GLB1: variants seen among roughly 807,000 people sequenced by gnomAD.
The protein encoded by GLB1 is galactosidase beta 1.
GLB1 carries 56 observed loss-of-function variants against 74.0 expected under a neutral mutation model. That is an observed-to-expected ratio of 0.76 (90% CI 0.61 to 0.94). GLB1 has a LOEUF of 0.94. Among genes scored for constraint, GLB1 ranks in the 40% least tolerant of loss-of-function variants. The probability of loss-of-function intolerance (pLI) is 0.00; values close to 1 mark genes in which losing one functional copy is unlikely to be tolerated. For missense variants in GLB1, 787 were observed against 845.5 expected, an observed-to-expected ratio of 0.93 and a Z score of 0.86; for synonymous variants, 323 against 323.6, an observed-to-expected ratio of 1.00 and a Z score of 0.02.
At chr3:33,060,759 A>G (rs1699409128) in intron 5 of GLB1, among the ~76,000 whole-genome samples, 2 of 152,358 alleles carry the variant, frequency 1.3e-5, no homozygotes. Flanking sequence ...AGTTCTAGTC[A>G]CAGGCACGGC....
intron 1 of GLB1, among the ~76,000 whole-genome samples, chr3:33,087,901 TTA>T (rs1431427498): frequency 2.0e-5 from 3 of 151,938 alleles, no homozygotes; most frequent in Non-Finnish European, 1.5e-5. Flanking sequence ...ATTAAAAGGG[TTA>T]TATACTATGA....
At chr3:33,027,245 G>A (rs995619343) in intron 10 of GLB1, among the ~76,000 whole-genome samples, 2 of 152,246 alleles carry the variant, frequency 1.3e-5, no homozygotes, top group Admixed American at 6.5e-5. Flanking sequence ...GAGGGCTGGC[G>A]CCTGTGCGGG....
intron 10 of GLB1, chr3:33,029,974 A>G (rs1697939908): frequency 6.6e-6 from 1 of 152,028 alleles, no homozygotes; most frequent in African/African-American, 2.4e-5. Flanking sequence ...AAAAAAAAGA[A>G]AAGTAATGTT....
At chr3:33,072,000 T>C (rs983280725) in intron 2 of GLB1, among the ~76,000 whole-genome samples, 3 of 152,256 alleles carry the variant, frequency 2.0e-5, no homozygotes, top group Admixed American at 2.0e-4. Flanking sequence ...AAGTTTTCCT[T>C]GGGTCTTCTT....
At chr3:32,966,705 G>C in the GLB1 span, among the ~76,000 whole-genome samples, 1 of 152,204 alleles carries the variant, frequency 6.6e-6, no homozygotes. Flanking sequence ...ATCTTGAATT[G>C]TAGCTCCCAT....
intron 12 of GLB1, 52 bp downstream of exon 12, chr3:33,021,514 A>C: frequency 1.3e-6 from 2 of 1,585,890 alleles, no homozygotes; most frequent in Non-Finnish European, 1.7e-6. Context: ...CAGTGCAGAA[A>C]GCACACTTTT....
intron 9 of GLB1, among the ~76,000 whole-genome samples, chr3:33,050,609 T>C (rs544308817): frequency 6.6e-6 from 1 of 152,332 alleles, no homozygotes; most frequent in Admixed American, 6.5e-5. Flanking sequence ...AAGTATATTA[T>C]TTCCAGGGGC....
chr3:33,049,583 A>AT (rs1303154866), intron 9 of GLB1, among the ~76,000 whole-genome samples: 1 of 151,970 alleles, frequency 6.6e-6, no homozygotes, highest in African/African-American at 2.4e-5. Flanking sequence ...CAACCAGCTA[A>AT]TTTTTTGTAT....
At chr3:32,985,874 C>T in the GLB1 span, among the ~76,000 whole-genome samples, 1 of 151,974 alleles carries the variant, frequency 6.6e-6, no homozygotes, top group Non-Finnish European at 1.5e-5. Context: ...CCATGTCTGG[C>T]TAATTTTTAT....
chr3:33,007,888 C>A (rs1318073835), intron 15 of GLB1, among the ~76,000 whole-genome samples: 1 of 152,178 alleles, frequency 6.6e-6, no homozygotes, highest in Non-Finnish European at 1.5e-5. Flanking sequence ...TTCACATGGG[C>A]CTTCAAGACA....
rs1359058638 is a variant in GLB1, at chr3:33,034,348, T to C, written c.1069-10023A>G. The C allele has an allele frequency of 1.2e-5, 9 of 757,168 alleles. No individual in the cohort carries two copies. In the Admixed American group the frequency reaches 1.4e-4, roughly 12 times the overall value. 46.9% of individuals were successfully genotyped at this position (757,168 alleles called of 1,614,324 possible). Reference sequence around the variant, plus strand: ...ATGCCATCAGCTAGGCCCCTGCTGTTGTACCTGGAAGCCTCATAGACCAGC... The same window carrying C: ...ATGCCATCAGCTAGGCCCCTGCTGTCGTACCTGGAAGCCTCATAGACCAGC... On this transcript the variant is annotated intron_variant, in intron 10 of 15. Coordinates refer to ENST00000307363, the MANE Select transcript of GLB1 (RefSeq NM_000404.4).
intron 1 of GLB1, among the ~76,000 whole-genome samples, chr3:33,087,547 G>T (rs1700557043): frequency 6.6e-6 from 1 of 150,800 alleles, no homozygotes; most frequent in Admixed American, 6.6e-5. Flanking sequence ...TCCAGCCCCG[G>T]CGACAGAGCA....
At chr3:33,046,271 T>C in intron 9 of GLB1, 39 bp from the exon 10 acceptor site, 1 of 1,609,478 alleles carries the variant, frequency 6.2e-7, no homozygotes, top group South Asian at 1.1e-5. Flanking sequence ...TTACTGATGG[T>C]GCAGCTCTGG....
At chr3:33,086,375 G>T (rs9810375) in intron 1 of GLB1, among the ~76,000 whole-genome samples, 110,892 of 151,956 alleles carry the variant, frequency 0.73, 40,798 homozygotes, top group East Asian at 0.98. Flanking sequence ...AATGAGGAGA[G>T]TTCTTTGTAA....
chr3:32,977,532 G>C, the GLB1 span, among the ~76,000 whole-genome samples: 1 of 152,078 alleles, frequency 6.6e-6, no homozygotes, highest in African/African-American at 2.4e-5. Context: ...TTTTTAAAGC[G>C]AAGGGGCACC....
intron 6 of GLB1, 65 bp from the exon 7 acceptor site, chr3:33,053,614 GC>G: frequency 1.2e-6 from 2 of 1,606,394 alleles, no homozygotes; most frequent in Non-Finnish European, 8.5e-7. Context: ...AATAACAAGA[GC>G]CCTTCATGGG....
At chr3:33,023,830 T>C (rs1697612714) in intron 11 of GLB1, among the ~76,000 whole-genome samples, 1 of 152,190 alleles carries the variant, frequency 6.6e-6, no homozygotes. Context: ...GAGGTAAGTA[T>C]ATAATTTAGG....
At chr3:32,973,611 G>A in the GLB1 span, among the ~76,000 whole-genome samples, 12 of 152,142 alleles carry the variant, frequency 7.9e-5, 1 homozygote, top group South Asian at 2.5e-3. Context: ...CTCCCAAAGT[G>A]CTGGGATTAC....
chr3:33,059,948 A>G (rs1699376508), intron 5 of GLB1, among the ~76,000 whole-genome samples: 1 of 152,080 alleles, frequency 6.6e-6, no homozygotes, highest in African/African-American at 2.4e-5. Flanking sequence ...AGTGCCTGGG[A>G]GAGATTGTTA....
Sources: gnomAD v4.1 joint callset for allele counts (sites outside exome capture counted in the v4.1 genomes callset) on GRCh38, gnomAD v4.1.1 for gene constraint, MANE v1.5 for transcripts, NCBI Gene and HGNC (gene_info 2026-07-23, HGNC 2026-07-21) for gene names.